The following SNTG2 variants were observed in gnomAD, a reference collection of about 807,000 sequenced individuals.
The protein encoded by SNTG2 is syntrophin gamma 2, also known as gamma-2-syntrophin.
A neutral mutation model predicts 70.9 loss-of-function variants in SNTG2; 74 were observed. The ratio of observed to expected loss-of-function variants is 1.04; its 90% CI spans 0.86 to 1.27. SNTG2 has a LOEUF of 1.27. SNTG2 is among the 50% of genes most tolerant of loss of function. The pLI is 0.00. For synonymous variants in SNTG2, 278 were observed against 273.8 expected (o/e 1.02, Z -0.15); for missense variants, 717 against 690.7 (o/e 1.04, Z -0.43).
intron 14 of SNTG2, among the ~76,000 whole-genome samples, chr2:1,269,539 T>A (rs1678913325): frequency 6.6e-6 from 1 of 150,560 alleles, no homozygotes; most frequent in South Asian, 2.1e-4. Flanking sequence ...AGGTATAGGG[T>A]AGGGTGGGAG....
intron 4 of SNTG2, among the ~76,000 whole-genome samples, chr2:1,128,063 T>C (rs2148305152): frequency 1.3e-5 from 2 of 152,318 alleles, no homozygotes; most frequent in East Asian, 3.9e-4. Context: ...AGCATAATGT[T>C]AGCTGTGGGT....
intron 4 of SNTG2, among the ~76,000 whole-genome samples, chr2:1,133,676 T>G (rs2148320597): frequency 6.9e-6 from 1 of 144,478 alleles, no homozygotes; most frequent in African/African-American, 2.6e-5. Flanking sequence ...CATGATTTTA[T>G]TTTATCACCC....
intron 1 of SNTG2, among the ~76,000 whole-genome samples, chr2:1,005,464 T>A (rs1438983187): frequency 6.6e-6 from 1 of 151,954 alleles, no homozygotes; most frequent in Non-Finnish European, 1.5e-5. Flanking sequence ...CCTCTCAGTT[T>A]CTCTGTGAAG....
At chr2:1,031,528 A>ATATATATATATTTTTTTT in intron 1 of SNTG2, among the ~76,000 whole-genome samples, 1 of 59,122 alleles carries the variant, frequency 1.7e-5, no homozygotes. Flanking sequence ...ATATATATAT[A>ATATATATATATTTTTTTT]TTTTTTTTTT....
intron 14 of SNTG2, among the ~76,000 whole-genome samples, chr2:1,292,750 G>C (rs1680042661): frequency 6.6e-6 from 1 of 152,068 alleles, no homozygotes; most frequent in Non-Finnish European, 1.5e-5. Flanking sequence ...TTGTTTACTA[G>C]TATTTTGTTG....
intron 9 of SNTG2, among the ~76,000 whole-genome samples, chr2:1,223,864 T>G (rs1675554005): frequency 6.7e-6 from 1 of 148,886 alleles, no homozygotes; most frequent in South Asian, 2.1e-4. Context: ...TGGGTGGCCT[T>G]ACGCAGCACA....
chr2:1,328,901 A>G (rs1467798655), intron 16 of SNTG2, among the ~76,000 whole-genome samples: 1 of 121,982 alleles, frequency 8.2e-6, no homozygotes, highest in Non-Finnish European at 1.8e-5. Context: ...ACATGCATGC[A>G]CACACACATG....
chr2:990,710 A>G (rs989685669), intron 1 of SNTG2, among the ~76,000 whole-genome samples: 70 of 152,298 alleles, frequency 4.6e-4, no homozygotes, highest in African/African-American at 1.1e-3. Flanking sequence ...TGCATTATCA[A>G]TTTTGATGTG....
chr2:1,078,109 G>T (rs2148155919), intron 1 of SNTG2, among the ~76,000 whole-genome samples: 1 of 152,304 alleles, frequency 6.6e-6, no homozygotes, highest in South Asian at 2.1e-4. Flanking sequence ...TATTGGAACT[G>T]CATGGATAAA....
At chr2:1,179,668 T>C (rs1440550741) in intron 8 of SNTG2, among the ~76,000 whole-genome samples, 1 of 151,856 alleles carries the variant, frequency 6.6e-6, no homozygotes, top group Non-Finnish European at 1.5e-5. Flanking sequence ...TTCAGTGCCA[T>C]CCCCATGAAG....
chr2:1,280,475 A>G (rs2148205246), intron 14 of SNTG2, among the ~76,000 whole-genome samples: 1 of 152,278 alleles, frequency 6.6e-6, no homozygotes, highest in East Asian at 1.9e-4. Flanking sequence ...CCTTAAATAC[A>G]CAACAGTTGC....
chr2:1,166,946 C>T (rs892962103), intron 7 of SNTG2, among the ~76,000 whole-genome samples: 2 of 152,180 alleles, frequency 1.3e-5, no homozygotes, highest in African/African-American at 4.8e-5. Flanking sequence ...CCTTGCCACT[C>T]CATGCCCCTT....
At chr2:1,100,364 C>T (rs1214123874) in intron 4 of SNTG2, among the ~76,000 whole-genome samples, 5 of 152,210 alleles carry the variant, frequency 3.3e-5, no homozygotes, top group East Asian at 1.9e-4. Context: ...GCGGGGGTCT[C>T]GAACTCCTGA....
chr2:1,144,497 T>C (rs886655294), intron 6 of SNTG2, among the ~76,000 whole-genome samples: 1 of 152,106 alleles, frequency 6.6e-6, no homozygotes, highest in Admixed American at 6.5e-5. Flanking sequence ...AAAGAACAGA[T>C]ATTGTATCAG....
At chr2:1,156,307 TG>T (rs1036920786) in intron 6 of SNTG2, among the ~76,000 whole-genome samples, 15 of 151,822 alleles carry the variant, frequency 9.9e-5, no homozygotes, top group Admixed American at 9.9e-4. Context: ...GCTCTTTTGT[TG>T]GGGGGGATGG....
At chr2:1,230,121 C>T (rs1366730072) in intron 9 of SNTG2, among the ~76,000 whole-genome samples, 1 of 152,206 alleles carries the variant, frequency 6.6e-6, no homozygotes, top group Non-Finnish European at 1.5e-5. Flanking sequence ...CGAGAGCGAG[C>T]GAGGGCTGTG....
At chr2:977,546 G>T (rs6741262) in intron 1 of SNTG2, among the ~76,000 whole-genome samples, 45,983 of 151,940 alleles carry the variant, frequency 0.3, 7,331 homozygotes, top group Middle Eastern at 0.4. Context: ...ACTTGCACTA[G>T]TTAATAAAAT....
chr2:1,169,083 G>C (rs549753611), intron 7 of SNTG2, among the ~76,000 whole-genome samples: 7 of 152,272 alleles, frequency 4.6e-5, no homozygotes, highest in South Asian at 4.1e-4. Context: ...GAGCTCGGAT[G>C]GGGGAGGAGG....
intron 6 of SNTG2, among the ~76,000 whole-genome samples, chr2:1,152,267 T>C (rs1669549328): frequency 6.6e-6 from 1 of 152,238 alleles, no homozygotes; most frequent in African/African-American, 2.4e-5. Context: ...TTTCAGGTAT[T>C]ATTTGATGAT....
Sources: gnomAD v4.1 joint callset for allele counts (sites outside exome capture counted in the v4.1 genomes callset) on GRCh38, gnomAD v4.1.1 for gene constraint, MANE v1.5 for transcripts, NCBI Gene and HGNC (gene_info 2026-07-23, HGNC 2026-07-21) for gene names.